CPQ: variants seen among roughly 807,000 people sequenced by gnomAD.
CPQ encodes Ser-Met dipeptidase.
In CPQ, 37 loss-of-function variants were observed where a neutral mutation model predicts 45.7. The ratio of observed to expected loss-of-function variants is 0.81; its 90% CI spans 0.62 to 1.07. The LOEUF is 1.07. CPQ is among the 50% of genes least tolerant of loss of function. The pLI is 0.00. For missense variants in CPQ, 537 were observed against 572.9 expected (o/e 0.94, Z 0.64); for synonymous variants, 186 against 205.8 (o/e 0.90, Z 0.82).
At chr8:96,948,999 C>G (rs960479087) in intron 4 of CPQ, among the ~76,000 whole-genome samples, 57 of 152,090 alleles carry the variant, frequency 3.7e-4, no homozygotes, top group African/African-American at 1.2e-3. Context: ...ATACCTTTTT[C>G]TAGCCCTTCA....
At chr8:97,055,041 C>T (rs1008788857) in intron 6 of CPQ, among the ~76,000 whole-genome samples, 4 of 142,448 alleles carry the variant, frequency 2.8e-5, no homozygotes, top group African/African-American at 1.2e-4. Flanking sequence ...CCTCTCACAA[C>T]ACCCCTGTCC....
chr8:97,121,487 A>AAACTT (rs1276448550), intron 7 of CPQ, among the ~76,000 whole-genome samples: 3 of 152,202 alleles, frequency 2.0e-5, no homozygotes, highest in African/African-American at 7.2e-5. Flanking sequence ...CACTCTGGTA[A>AAACTT]AACTTAAAAA....
chr8:96,991,127 G>A (rs1381351635), intron 5 of CPQ, among the ~76,000 whole-genome samples: 2 of 152,166 alleles, frequency 1.3e-5, no homozygotes, highest in Non-Finnish European at 2.9e-5. Flanking sequence ...AAAGTAGAAA[G>A]AGCCCTAGAC....
intron 4 of CPQ, among the ~76,000 whole-genome samples, chr8:96,920,790 A>G (rs1196363673): frequency 1.3e-5 from 2 of 152,148 alleles, no homozygotes; most frequent in Non-Finnish European, 2.9e-5. Context: ...GAGACAGAGA[A>G]CAGGCGGCCA....
intron 7 of CPQ, among the ~76,000 whole-genome samples, chr8:97,123,108 AT>A (rs1811768335): frequency 7.6e-6 from 1 of 130,846 alleles, no homozygotes; most frequent in African/African-American, 3.0e-5. Context: ...AATAAATAAA[AT>A]AAAATAAAAT....
At chr8:97,085,010 C>T (rs1369824894) in intron 7 of CPQ, among the ~76,000 whole-genome samples, 1 of 151,988 alleles carries the variant, frequency 6.6e-6, no homozygotes, top group Non-Finnish European at 1.5e-5. Context: ...TTTCTAAACA[C>T]TATTTAGTTC....
chr8:96,849,357 TCTC>T (rs1350149198), intron 3 of CPQ, among the ~76,000 whole-genome samples: 16 of 152,326 alleles, frequency 1.1e-4, no homozygotes, highest in Admixed American at 1.0e-3. Flanking sequence ...GGCTTCTGGA[TCTC>T]CACCACTGTC....
chr8:96,942,109 A>G (rs1427973600), intron 4 of CPQ, among the ~76,000 whole-genome samples: 2 of 152,198 alleles, frequency 1.3e-5, no homozygotes, highest in Non-Finnish European at 2.9e-5. Flanking sequence ...TTCCTCATTC[A>G]TAACTTAGAG....
chr8:97,123,241 A>AAAAT (rs1370865420), intron 7 of CPQ, among the ~76,000 whole-genome samples: 5 of 137,968 alleles, frequency 3.6e-5, no homozygotes, highest in African/African-American at 7.6e-5. Context: ...TAAAATAAAT[A>AAAAT]AAATAAAATA....
Position 96,810,484 on chromosome 8 carries a change from T to C in CPQ, c.434-24489T>C, listed in dbSNP as rs544871434. Among the ~76,000 whole-genome samples, 277 of 152,256 alleles carry C rather than the reference T, an allele frequency of 1.8e-3. 2 individuals carry two copies. The highest frequency in any genetic ancestry group is 6.5e-3 in the African/African-American group (269 of 41,536). On this transcript the variant is annotated intron_variant, in intron 2 of 7. Coordinates refer to ENST00000220763, the MANE Select transcript of CPQ (RefSeq NM_016134.4). ...GACAAGTTGGTTAATGTGTCTCAGA[T>C]AGAAGATGGAGATCTAGACCCATCT...
chr8:96,687,367 C>T (rs369274101), intron 1 of CPQ, among the ~76,000 whole-genome samples: 163 of 152,078 alleles, frequency 1.1e-3, no homozygotes, highest in African/African-American at 3.7e-3. Context: ...CGCACACCAC[C>T]ACTCCTGGCT....
chr8:97,125,494 C>A (rs1811833016), intron 7 of CPQ, among the ~76,000 whole-genome samples: 1 of 152,052 alleles, frequency 6.6e-6, no homozygotes, highest in Non-Finnish European at 1.5e-5. Context: ...AAAATATAAG[C>A]AAATTAAATT....
At chr8:97,142,950 G>T in intron 7 of CPQ, 70 bp from the exon 8 acceptor site, 1 of 1,474,124 alleles carries the variant, frequency 6.8e-7, no homozygotes, top group Non-Finnish European at 9.4e-7. Context: ...AAAAGTGAAG[G>T]GGGAGAGGTG....
rs201149237 is a variant in CPQ, at chr8:96,966,017, G to A, written c.932G>A (p.Trp311Ter). ...MDDGGGAFIS[W>*]EALSLIKDLG... ...GATGGCGGTGGAGCCTTTATATCAT[G>A]GGAAGCACTCTCACTTATTAAAGAT... Residue 311 changes from tryptophan to a stop codon, truncating the protein, a stop_gained, in exon 5 of 8, where the codon TGG becomes TAG. Transcript: ENST00000220763. LOFTEE classifies it high-confidence loss of function. The A allele has an allele frequency of 2.6e-5, 42 of 1,613,464 alleles. No homozygotes were observed. In the East Asian group the frequency reaches 6.2e-4, roughly 24 times the overall value.
At chr8:96,908,107 C>CGTGTGTGTGTGTGT in intron 4 of CPQ, among the ~76,000 whole-genome samples, 1 of 145,816 alleles carries the variant, frequency 6.9e-6, no homozygotes, top group Non-Finnish European at 1.5e-5. Flanking sequence ...CCCACTGCAA[C>CGTGTGTGTGTGTGT]GTGTGTGTGT....
chr8:96,711,659 C>A lies in CPQ; in HGVS notation c.-35+66257C>A, dbSNP rs191076278. Among the ~76,000 whole-genome samples the A allele has an allele frequency of 1.3e-3, 192 of 152,256 alleles. 1 individual carries two copies. The highest frequency in any genetic ancestry group is 6.8e-4 in the Non-Finnish European group (46 of 68,016). ...ATCAGATCTGGTAAGAACTGACTCA[C>A]TATCATAAGAACAGCAGCATGGGGG... is the stretch of plus-strand genomic sequence containing the variant. On this transcript the variant is annotated intron_variant, in intron 1 of 7. Coordinates refer to ENST00000220763, the MANE Select transcript of CPQ (RefSeq NM_016134.4).
At chr8:96,802,990 T>TAC (rs71569185) in intron 2 of CPQ, among the ~76,000 whole-genome samples, 28,254 of 143,828 alleles carry the variant, frequency 0.2, 2,713 homozygotes, top group African/African-American at 0.24. Context: ...AACAGAAGCA[T>TAC]ACACACACAC....
intron 1 of CPQ, among the ~76,000 whole-genome samples, chr8:96,759,863 T>C (rs35407241): frequency 1.3e-5 from 2 of 152,256 alleles, no homozygotes; most frequent in African/African-American, 2.4e-5. Context: ...AGGCTCTCTG[T>C]ATATATTTTC....
At chr8:96,974,505 C>A (rs1452141473) in intron 5 of CPQ, among the ~76,000 whole-genome samples, 3 of 152,010 alleles carry the variant, frequency 2.0e-5, no homozygotes, top group African/African-American at 4.8e-5. Flanking sequence ...CTAAATGATA[C>A]CCTACAAGTG....
Sources: allele counts gnomAD v4.1 joint callset (sites outside exome capture counted in the v4.1 genomes callset), GRCh38; gene constraint gnomAD v4.1.1; transcripts MANE v1.5; gene names NCBI Gene and HGNC (gene_info 2026-07-23, HGNC 2026-07-21).